Variants in DLG2 observed in about 807,000 individuals in gnomAD.
The protein encoded by DLG2 is disks large homolog 2.
Under a neutral mutation model 132.5 loss-of-function variants are expected in DLG2, and 45 were observed. The observed-to-expected ratio is 0.34, with a 90% CI of 0.27 to 0.44. The LOEUF is 0.44. DLG2 is among the 20% of genes least tolerant of loss of function. The probability of loss-of-function intolerance (pLI) is 1.00; values close to 1 mark genes in which losing one functional copy is unlikely to be tolerated. For missense variants in DLG2, 1,045 were observed against 1,196.9 expected (o/e 0.87, Z 1.87); for synonymous variants, 424 against 419.6 (o/e 1.01, Z -0.13).
At chr11:84,978,107 T>C (rs533644475) in intron 6 of DLG2, among the ~76,000 whole-genome samples, 6 of 152,240 alleles carry the variant, frequency 3.9e-5, no homozygotes, top group Middle Eastern at 3.4e-3. Flanking sequence ...TTTGTTAAGG[T>C]ACACTGAAAA....
At chr11:83,649,114 G>A (rs1591679529) in intron 18 of DLG2, among the ~76,000 whole-genome samples, 1 of 152,112 alleles carries the variant, frequency 6.6e-6, no homozygotes, top group East Asian at 1.9e-4. Context: ...CTGCTCAATA[G>A]AAGTAGGGCT....
Position 84,191,801 on chromosome 11 carries a change from G to A in DLG2, c.574-28290C>T, listed in dbSNP as rs577877471. Reference sequence around the variant, plus strand: ...CCACAAAGTGGGTAGAGAAAGTGGAGTGGTAGGGAGAACTGTGGACATTTA... The same window carrying A: ...CCACAAAGTGGGTAGAGAAAGTGGAATGGTAGGGAGAACTGTGGACATTTA... On this transcript the variant is annotated intron_variant, in intron 8 of 27. Coordinates refer to ENST00000376104, the MANE Select transcript of DLG2 (RefSeq NM_001142699.3). Among the ~76,000 whole-genome samples, 5 of 152,250 alleles carry A rather than the reference G, an allele frequency of 3.3e-5. No individual in the cohort carries two copies. In the East Asian group the frequency reaches 9.6e-4, roughly 29 times the overall value.
At chr11:83,906,053 GTCTCTCTCTCTC>G (rs57799505) in intron 15 of DLG2, among the ~76,000 whole-genome samples, 379 of 128,826 alleles carry the variant, frequency 2.9e-3, no homozygotes, top group Admixed American at 0.017. Flanking sequence ...CTGTCTGTCT[GTCTCTCTCTCTC>G]TCTCTCTCTC....
chr11:84,684,896 T>C (rs1025694730), intron 6 of DLG2, among the ~76,000 whole-genome samples: 1 of 152,226 alleles, frequency 6.6e-6, no homozygotes, highest in Non-Finnish European at 1.5e-5. Context: ...GAATACAGTG[T>C]TTGACTTTGA....
chr11:84,808,999 A>C (rs2076280638), intron 6 of DLG2, among the ~76,000 whole-genome samples: 1 of 151,924 alleles, frequency 6.6e-6, no homozygotes, highest in Non-Finnish European at 1.5e-5. Context: ...AAAGAAGAAA[A>C]CTACAGGTCA....
chr11:85,116,146 A>T (rs1199354129), intron 5 of DLG2, among the ~76,000 whole-genome samples: 2 of 152,174 alleles, frequency 1.3e-5, no homozygotes, highest in African/African-American at 4.8e-5. Flanking sequence ...ATGACATGCA[A>T]TAATGTGTAT....
Position 83,859,369 on chromosome 11 carries a change from G to A in DLG2, c.1565+15051C>T, listed in dbSNP as rs991056981. On this transcript the variant is annotated intron_variant, in intron 16 of 27. Coordinates refer to ENST00000376104, the MANE Select transcript of DLG2 (RefSeq NM_001142699.3). ...ATAATGATATGGACAATGAAATCCA[G>A]GCTGAGGTGGTCTCAGATGGAAACG... Among the ~76,000 whole-genome samples the A allele has an allele frequency of 1.7e-4, 26 of 152,220 alleles. 1 individual carries two copies. The highest frequency in any genetic ancestry group is 2.4e-5 in the African/African-American group (1 of 41,462).
chr11:85,402,597 CA>C (rs554654313), intron 3 of DLG2, among the ~76,000 whole-genome samples: 215 of 152,202 alleles, frequency 1.4e-3, no homozygotes, highest in Non-Finnish European at 2.7e-3. Flanking sequence ...ACCCATCTGA[CA>C]AAGGGCTAAT....
chr11:85,281,725 G>A (rs1490858767), intron 4 of DLG2, among the ~76,000 whole-genome samples: 2 of 152,010 alleles, frequency 1.3e-5, no homozygotes, highest in East Asian at 3.9e-4. Flanking sequence ...TGGTGAGGAT[G>A]TGGAGAATGG....
intron 3 of DLG2, among the ~76,000 whole-genome samples, chr11:85,357,097 G>A (rs181108456): frequency 4.2e-4 from 64 of 152,160 alleles, no homozygotes; most frequent in African/African-American, 1.5e-3. Flanking sequence ...GTAACTATTA[G>A]TACTTTTTAA....
chr11:85,189,554 A>G (rs931714693), intron 4 of DLG2, among the ~76,000 whole-genome samples: 12 of 152,194 alleles, frequency 7.9e-5, no homozygotes, highest in Non-Finnish European at 1.6e-4. Context: ...AACTATAGCA[A>G]TGAGGAAGAG....
intron 7 of DLG2, among the ~76,000 whole-genome samples, chr11:84,304,701 A>C (rs1368077379): frequency 2.0e-5 from 3 of 152,234 alleles, no homozygotes; most frequent in Non-Finnish European, 2.9e-5. Context: ...GGAATTACTC[A>C]TGATTTTCAT....
chr11:85,479,347 C>T (rs1011450434), intron 3 of DLG2, among the ~76,000 whole-genome samples: 5 of 152,142 alleles, frequency 3.3e-5, no homozygotes, highest in Admixed American at 6.5e-5. Flanking sequence ...GCAAAAAGGG[C>T]AATGGAGCTC....
chr11:84,033,306 A>G (rs1044186652), intron 11 of DLG2, among the ~76,000 whole-genome samples: 4 of 152,206 alleles, frequency 2.6e-5, no homozygotes, highest in Admixed American at 2.6e-4. Context: ...GTTTGAAAAA[A>G]GTTGATTCCA....
At chr11:83,947,971 T>A (rs2084483212) in intron 14 of DLG2, among the ~76,000 whole-genome samples, 1 of 152,174 alleles carries the variant, frequency 6.6e-6, no homozygotes, top group South Asian at 2.1e-4. Flanking sequence ...GTCATAGGAA[T>A]TAAAATGAGA....
intron 11 of DLG2, among the ~76,000 whole-genome samples, chr11:84,044,040 T>C (rs1160913593): frequency 6.6e-6 from 1 of 151,500 alleles, no homozygotes; most frequent in African/African-American, 2.4e-5. Context: ...TTTCTTCTTC[T>C]TTTTTTTAGA....
intron 8 of DLG2, among the ~76,000 whole-genome samples, chr11:84,175,493 G>A (rs1035206265): frequency 9.9e-5 from 15 of 152,050 alleles, no homozygotes; most frequent in Middle Eastern, 6.3e-3. Context: ...TTCCAAAGGC[G>A]TGAACTGCCT....
At chr11:85,425,839 C>T (rs930771357) in intron 3 of DLG2, among the ~76,000 whole-genome samples, 47 of 152,326 alleles carry the variant, frequency 3.1e-4, no homozygotes, top group Admixed American at 9.1e-4. Context: ...CAGGGCAAGG[C>T]ATCGCCTCAC....
At chr11:84,246,589 A>C (rs1203992772) in intron 8 of DLG2, among the ~76,000 whole-genome samples, 1 of 152,234 alleles carries the variant, frequency 6.6e-6, no homozygotes, top group African/African-American at 2.4e-5. Context: ...AGCTGCTAAG[A>C]TCTATAGTAA....
Sources: gnomAD v4.1 joint callset for allele counts (sites outside exome capture counted in the v4.1 genomes callset) on GRCh38, gnomAD v4.1.1 for gene constraint, MANE v1.5 for transcripts, NCBI Gene and HGNC (gene_info 2026-07-23, HGNC 2026-07-21) for gene names.